ERC2: variants seen among roughly 807,000 people sequenced by gnomAD.
The protein encoded by ERC2 is ERC protein 2.
A neutral mutation model predicts 114.8 loss-of-function variants in ERC2; 42 were observed. That is an observed-to-expected ratio of 0.37 (90% CI 0.29 to 0.47). The LOEUF is 0.47. Among genes scored for constraint, ERC2 ranks in the 20% least tolerant of loss-of-function variants. ERC2 has a pLI of 0.99. For missense variants in ERC2, 939 were observed against 1,150.7 expected (o/e 0.82, Z 2.66); for synonymous variants, 454 against 425.5 (o/e 1.07, Z -0.82).
At chr3:55,553,011 A>ATT (rs66602607) in intron 17 of ERC2, among the ~76,000 whole-genome samples, 1,934 of 55,112 alleles carry the variant, frequency 0.035, 592 homozygotes, top group Non-Finnish European at 0.044. Context: ...GGGCTTCCAG[A>ATT]TTTTTTTTTT....
In ERC2 at chr3:55,846,425, C is replaced by A. The variant is rs150138530; in HGVS notation, c.2564+41964G>T. Among the ~76,000 whole-genome samples the A allele has an allele frequency of 2.8e-3, 432 of 152,216 alleles. 2 individuals are homozygous for A. The highest frequency in any genetic ancestry group is 9.9e-3 in the African/African-American group (410 of 41,508). On this transcript the variant is annotated intron_variant, in intron 14 of 17. Transcript: ENST00000288221. ...ATGGGCATCTAGGTTGATTCCATGT[C>A]TTTGCTATTGTGTACAGTGCTGGAA...
intron 15 of ERC2, among the ~76,000 whole-genome samples, chr3:55,732,456 C>T (rs551900816): frequency 4.7e-4 from 71 of 152,242 alleles, no homozygotes; most frequent in Admixed American, 2.4e-3. Flanking sequence ...CTGAACTCTG[C>T]GTAGCTGAGG....
At chr3:56,313,807 G>A (rs1050518574) in intron 2 of ERC2, among the ~76,000 whole-genome samples, 5 of 152,188 alleles carry the variant, frequency 3.3e-5, no homozygotes, top group Admixed American at 6.5e-5. Context: ...ACTCCAAGAG[G>A]AAGAAGAGTT....
chr3:56,369,617 C>T (rs1222054031), intron 2 of ERC2, among the ~76,000 whole-genome samples: 1 of 152,082 alleles, frequency 6.6e-6, no homozygotes, highest in Non-Finnish European at 1.5e-5. Context: ...CCGGTTGTAA[C>T]TTTGTGTCAT....
intron 17 of ERC2, among the ~76,000 whole-genome samples, chr3:55,615,429 C>G (rs1331663578): frequency 6.6e-6 from 1 of 152,100 alleles, no homozygotes; most frequent in Non-Finnish European, 1.5e-5. Context: ...CGCCATTGCC[C>G]ACTGCACAGC....
At chr3:56,390,359 A>G (rs537796724) in intron 2 of ERC2, among the ~76,000 whole-genome samples, 1 of 152,304 alleles carries the variant, frequency 6.6e-6, no homozygotes, top group South Asian at 2.1e-4. Context: ...TTCTTCTCCT[A>G]GCTTGCTTTT....
chr3:55,522,947 A>T (rs1231879681), intron 17 of ERC2, among the ~76,000 whole-genome samples: 3 of 152,214 alleles, frequency 2.0e-5, no homozygotes, highest in Non-Finnish European at 4.4e-5. Context: ...GATTAAAGAG[A>T]GGAAAATGTG....
At chr3:55,743,593 C>CAAAA (rs367859231) in intron 14 of ERC2, among the ~76,000 whole-genome samples, 53 of 96,980 alleles carry the variant, frequency 5.5e-4, no homozygotes, top group East Asian at 9.1e-4. Flanking sequence ...CCTGATCCAC[C>CAAAA]AAAAAAAAAA....
At chr3:55,557,523 C>T (rs72870439) in intron 17 of ERC2, among the ~76,000 whole-genome samples, 2,874 of 152,348 alleles carry the variant, frequency 0.019, 107 homozygotes, top group African/African-American at 0.065. Flanking sequence ...CTTCTCCTGG[C>T]CACCCCTTGG....
intron 4 of ERC2, among the ~76,000 whole-genome samples, chr3:56,162,717 T>G (rs1400131956): frequency 6.6e-6 from 1 of 152,144 alleles, no homozygotes; most frequent in African/African-American, 2.4e-5. Context: ...GTGGGATAAG[T>G]TGTATTGTCA....
intron 3 of ERC2, among the ~76,000 whole-genome samples, chr3:56,242,478 TAATA>T (rs148061158): frequency 0.28 from 43,064 of 151,596 alleles, 7,312 homozygotes; most frequent in East Asian, 0.64. Flanking sequence ...TTTAAATAAA[TAATA>T]AATAAATAAA....
At chr3:55,757,647 T>G (rs770368515) in intron 14 of ERC2, among the ~76,000 whole-genome samples, 9 of 152,106 alleles carry the variant, frequency 5.9e-5, no homozygotes, top group Non-Finnish European at 1.2e-4. Flanking sequence ...ATAAAGAGCT[T>G]AACACAGTGC....
intron 3 of ERC2, among the ~76,000 whole-genome samples, chr3:56,250,923 T>A (rs1185797731): frequency 6.6e-6 from 1 of 152,094 alleles, no homozygotes; most frequent in Non-Finnish European, 1.5e-5. Context: ...ACCAGCAAAA[T>A]CTTAATGCCT....
chr3:56,266,065 T>C (rs2053277342), intron 3 of ERC2, among the ~76,000 whole-genome samples: 1 of 138,284 alleles, frequency 7.2e-6, no homozygotes, highest in Non-Finnish European at 1.6e-5. Flanking sequence ...TAAAATAAAA[T>C]AAAATAAAAT....
intron 7 of ERC2, among the ~76,000 whole-genome samples, chr3:56,025,621 CT>C (rs2073991430): frequency 8.5e-5 from 13 of 152,324 alleles, no homozygotes; most frequent in Admixed American, 7.2e-4. Context: ...ATATCTCTGA[CT>C]TCCCTGTCTC....
At chr3:55,656,957 G>C (rs1317893504) in intron 17 of ERC2, among the ~76,000 whole-genome samples, 1 of 152,232 alleles carries the variant, frequency 6.6e-6, no homozygotes, top group East Asian at 1.9e-4. Context: ...ATCAGGCTAA[G>C]AGGCCCTGGG....
chr3:56,105,660 C>A (rs541447248), intron 6 of ERC2, among the ~76,000 whole-genome samples: 1 of 152,238 alleles, frequency 6.6e-6, no homozygotes, highest in East Asian at 1.9e-4. Context: ...ACTAGACTTA[C>A]GTTTTAACAG....
chr3:56,254,009 T>C (rs2052351572), intron 3 of ERC2, among the ~76,000 whole-genome samples: 1 of 152,244 alleles, frequency 6.6e-6, no homozygotes, highest in Non-Finnish European at 1.5e-5. Context: ...GGATTGGTGT[T>C]TCAATGGGAT....
intron 2 of ERC2, 164 bp downstream of exon 2, chr3:56,434,187 A>G: frequency 1.6e-6 from 1 of 628,824 alleles, no homozygotes; most frequent in Non-Finnish European, 2.7e-6. Flanking sequence ...GTAATGGTAT[A>G]TTTCCTATGC....
Sources: gnomAD v4.1 joint callset for allele counts (sites outside exome capture counted in the v4.1 genomes callset) on GRCh38, gnomAD v4.1.1 for gene constraint, MANE v1.5 for transcripts, NCBI Gene and HGNC (gene_info 2026-07-23, HGNC 2026-07-21) for gene names.